Variants in CREBL2 observed in about 807,000 individuals in gnomAD.
CREBL2 encodes cAMP-responsive element-binding protein-like 2.
CREBL2 carries 4 observed loss-of-function variants against 19.5 expected under a neutral mutation model. That is an observed-to-expected ratio of 0.20 (90% confidence interval 0.10 to 0.47). The LOEUF is 0.47. Ranked by LOEUF, CREBL2 falls within the 20% of genes least tolerant of loss-of-function variation. CREBL2 has a pLI of 0.98. For synonymous variants in CREBL2, 42 were observed against 46.6 expected, an observed-to-expected ratio of 0.90 and a Z score of 0.40; for missense variants, 85 against 145.1, an observed-to-expected ratio of 0.59 and a Z score of 2.13.
In CREBL2 at chr12:12,612,039, G is replaced by T; in HGVS notation, c.-134G>T. The stretch of plus-strand genomic sequence containing the variant: ...CCCGTGACTCTGGCATCAGGGAAGC[G>T]AACTGTTAGGCGAGAGGAGGAGGCA... On this transcript the variant is annotated 5_prime_UTR_variant, in exon 1 of 4. Transcript: ENST00000228865. 1 of 1,074,544 alleles carries T rather than the reference G, an allele frequency of 9.3e-7. No individual in the cohort carries two copies. Among genetic ancestry groups the T allele is most frequent in the South Asian group, 1.3e-5 (1 of 74,126 alleles). The allele number at this position is 1,074,544 out of a possible 1,614,324, so 66.6% of individuals were successfully genotyped here.
intron 1 of CREBL2, among the ~76,000 whole-genome samples, chr12:12,619,234 A>G (rs1228985650): frequency 1.3e-5 from 2 of 152,158 alleles, no homozygotes; most frequent in Non-Finnish European, 2.9e-5. Flanking sequence ...AAGCTCTGTC[A>G]TTAAGTTAGA....
rs1472908007 is a variant in CREBL2 at position 12,644,271 on chromosome 12, A to G, written c.*2273A>G. 1.3e-5 allele frequency: 2 copies of G among 152,200 alleles called. No individual in the cohort carries two copies. Among genetic ancestry groups the G allele is most frequent in the Admixed American group, 6.5e-5 (1 of 15,280 alleles). The allele number at this position is 152,200 out of a possible 1,614,324, so 9.4% of individuals were successfully genotyped here. ...GCCTCGGCTATTGTGCTGGCTGGAC[A>G]CTTTGGTCACTTTTGAAGCATGTTA... is the stretch of plus-strand genomic sequence containing the variant. On this transcript the variant is annotated 3_prime_UTR_variant, in exon 4 of 4. Coordinates refer to ENST00000228865, the MANE Select transcript of CREBL2 (RefSeq NM_001310.4).
chr12:12,625,301 C>G (rs867869848), intron 1 of CREBL2, among the ~76,000 whole-genome samples: 16 of 152,112 alleles, frequency 1.1e-4, no homozygotes, highest in African/African-American at 3.6e-4. Context: ...AGAGAGAAAT[C>G]AGAGGTTTAT....
chr12:12,618,746 G>A (rs1945335857), intron 1 of CREBL2, among the ~76,000 whole-genome samples: 2 of 152,194 alleles, frequency 1.3e-5, no homozygotes, highest in African/African-American at 4.8e-5. Flanking sequence ...GCAACATTGA[G>A]CACTGAGTGA....
intron 1 of CREBL2, among the ~76,000 whole-genome samples, chr12:12,634,907 T>C (rs1945463214): frequency 6.6e-6 from 1 of 151,862 alleles, no homozygotes; most frequent in Non-Finnish European, 1.5e-5. Flanking sequence ...CGATTTTTTT[T>C]TTTTAATTAG....
chr12:12,622,033 C>T (rs1945363751), intron 1 of CREBL2, among the ~76,000 whole-genome samples: 1 of 152,100 alleles, frequency 6.6e-6, no homozygotes, highest in Non-Finnish European at 1.5e-5. Context: ...CTCATTTTCA[C>T]CCTTTCAAAC....
intron 1 of CREBL2, among the ~76,000 whole-genome samples, chr12:12,630,772 C>A (rs1450946453): frequency 6.6e-6 from 1 of 152,064 alleles, no homozygotes; most frequent in Non-Finnish European, 1.5e-5. Flanking sequence ...CCAGTTGTAC[C>A]CCATGAGTTG....
chr12:12,618,618 C>A (rs1355617933), intron 1 of CREBL2, among the ~76,000 whole-genome samples: 1 of 152,210 alleles, frequency 6.6e-6, no homozygotes, highest in Non-Finnish European at 1.5e-5. Flanking sequence ...TCCTCACTTC[C>A]CAGGCGGGGT....
chr12:12,615,174 C>T (rs1945300654), intron 1 of CREBL2, among the ~76,000 whole-genome samples: 1 of 152,036 alleles, frequency 6.6e-6, no homozygotes, highest in Admixed American at 6.5e-5. Context: ...GCCACCACAA[C>T]CGATTAATTT....
At chr12:12,619,023 AC>A (rs1592237803) in intron 1 of CREBL2, among the ~76,000 whole-genome samples, 2 of 151,860 alleles carry the variant, frequency 1.3e-5, no homozygotes, top group East Asian at 1.9e-4. Context: ...TCAGAGGGAG[AC>A]CGTGGAAAGT....
At chr12:12,639,440 T>G (rs1481667936) in intron 3 of CREBL2, among the ~76,000 whole-genome samples, 1 of 152,228 alleles carries the variant, frequency 6.6e-6, no homozygotes, top group Non-Finnish European at 1.5e-5. Context: ...TGCTCCAATT[T>G]GTCCACATCT....
At chr12:12,625,134 G>A (rs1446184025) in intron 1 of CREBL2, among the ~76,000 whole-genome samples, 1 of 152,154 alleles carries the variant, frequency 6.6e-6, no homozygotes, top group Non-Finnish European at 1.5e-5. Flanking sequence ...GGTGATTTAG[G>A]AAAAGGCAAC....
intron 1 of CREBL2, among the ~76,000 whole-genome samples, chr12:12,613,593 G>A (rs1412644477): frequency 2.0e-5 from 3 of 152,198 alleles, no homozygotes; most frequent in African/African-American, 7.2e-5. Context: ...CAGTACTCTG[G>A]AATTGTTACT....
chr12:12,640,124 C>T (rs1945506428), intron 3 of CREBL2, among the ~76,000 whole-genome samples: 1 of 152,132 alleles, frequency 6.6e-6, no homozygotes, highest in African/African-American at 2.4e-5. Context: ...GGTTTGAGAG[C>T]AGAGAAGCGG....
intron 1 of CREBL2, chr12:12,616,010 TAAATATTA>T: frequency 1.3e-5 from 2 of 152,358 alleles, no homozygotes; most frequent in Admixed American, 1.3e-4. Flanking sequence ...ATTTTGAAAT[TAAATATTA>T]ACACTGTATC....
intron 1 of CREBL2, among the ~76,000 whole-genome samples, chr12:12,620,238 TTTTC>T (rs1270007100): frequency 2.0e-5 from 1 of 49,646 alleles, no homozygotes; most frequent in Non-Finnish European, 9.5e-5. Context: ...TTTCTTTTCT[TTTTC>T]TTTTTTTTTT....
chr12:12,637,697 A>G lies in CREBL2; in HGVS notation c.341A>G (p.Asp114Gly). The change falls in exon 3 of 4, where the codon GAT becomes GGT. Residue 114 changes from aspartate (D) to glycine (G), a missense_variant. Asp to Gly is a moderately conservative substitution (Grantham distance 94). This residue lies in a region of CREBL2 where 42 missense variants were observed against 38.4 expected (regional missense o/e 1.09). Coordinates refer to ENST00000228865, the MANE Select transcript of CREBL2 (RefSeq NM_001310.4). ...AGGCATACCAAGGCTGGGAAGACAG[A>G]TGCTAATAGCAATTCCTGTAAGTGC... ...SSRHTKAGKT[D>G]ANSNSW The G allele has an allele frequency of 6.2e-7, 1 of 1,611,996 alleles. No homozygotes were observed. The highest frequency in any genetic ancestry group is 8.5e-7 in the Non-Finnish European group (1 of 1,179,274).
chr12:12,626,689 A>G lies in CREBL2; in HGVS notation c.16-9088A>G, dbSNP rs1394746219. Among the ~76,000 whole-genome samples, 5 of 152,170 alleles carry G rather than the reference A, an allele frequency of 3.3e-5. No homozygotes were observed. The East Asian group carries it at 9.6e-4, about 29-fold the overall frequency. Reference sequence around the variant, plus strand: ...AATTCCAGAACAGTTCTATCACTCCAAGAAGAGACTCTTACAAACAAACTG... The same window carrying G: ...AATTCCAGAACAGTTCTATCACTCCGAGAAGAGACTCTTACAAACAAACTG... On this transcript the variant is annotated intron_variant, in intron 1 of 3. Transcript: ENST00000228865.
chr12:12,617,570 T>TA (rs1158713447), intron 1 of CREBL2, among the ~76,000 whole-genome samples: 1 of 149,686 alleles, frequency 6.7e-6, no homozygotes, highest in East Asian at 2.0e-4. Context: ...TTATCATTAT[T>TA]ATATTACCTA....
Sources: allele counts gnomAD v4.1 joint callset (sites outside exome capture counted in the v4.1 genomes callset), GRCh38; gene constraint gnomAD v4.1.1; regional missense constraint gnomAD v4.1.1; transcripts MANE v1.5; gene names NCBI Gene and HGNC (gene_info 2026-07-23, HGNC 2026-07-21).